FRMPD4: variants seen among roughly 807,000 people sequenced by gnomAD.
FRMPD4 encodes FERM and PDZ domain-containing protein 4.
FRMPD4 carries 22 observed loss-of-function variants against 94.1 expected under a neutral mutation model. The ratio of observed to expected loss-of-function variants is 0.23; its 90% CI spans 0.17 to 0.33. The LOEUF (loss-of-function observed/expected upper bound fraction) is 0.33. Among genes scored for constraint, FRMPD4 ranks in the 10% least tolerant of loss-of-function variants. The pLI is 1.00. For synonymous variants in FRMPD4, 631 were observed against 548.6 expected (o/e 1.15, Z -2.10); for missense variants, 1,111 against 1,339.9 (o/e 0.83, Z 2.67).
rs756575724 is a variant in FRMPD4, at chrX:12,498,693, T to C, written c.55T>C (p.Ser19Pro). 4.2e-6 allele frequency: 5 copies of C among 1,177,520 alleles called. No homozygotes were observed. The Admixed American group carries it at 6.6e-5, about 16-fold the overall frequency. ...IAKLSSHRTK[S>P]SGWPPPSGTW... ...TTTCTTTTCCAGCCACAGGACGAAG[T>C]CTTCAGGCTGGCCGCCTCCCTCGGG... The change falls in exon 2 of 17, where the codon TCT becomes CCT. Residue 19 changes from serine to proline, a missense_variant. Ser to Pro is a moderately conservative substitution (Grantham distance 74). This residue lies in a region of FRMPD4 where 140 missense variants were observed against 165.9 expected (regional missense o/e 0.84). Transcript: ENST00000675598.
intron 2 of FRMPD4, among the ~76,000 whole-genome samples, chrX:12,590,609 GC>G (rs1428881232): frequency 8.9e-6 from 1 of 112,158 alleles, no homozygotes; most frequent in Non-Finnish European, 1.9e-5. Context: ...AAATAAGTAA[GC>G]TTGTCTAAAT....
Position 11,932,141 on chromosome X carries a change from C to T in FRMPD4, c.95+54123C>T, listed in dbSNP as rs1453762853. Reference sequence around the variant, plus strand: ...ACTCATTGTTTGTCCACTCCCTTGCCGTTTAGGTGGGATACTTATTACAAA... The same window carrying T: ...ACTCATTGTTTGTCCACTCCCTTGCTGTTTAGGTGGGATACTTATTACAAA... On this transcript the variant is annotated intron_variant, in intron 3 of 18. Transcript: ENST00000640291. Among the ~76,000 whole-genome samples the T allele has an allele frequency of 2.7e-5, 3 of 111,684 alleles. No individual in the cohort carries two copies. The East Asian group carries it at 8.3e-4, about 31-fold the overall frequency.
At chrX:12,402,644 T>G (rs2056622354) in intron 1 of FRMPD4, among the ~76,000 whole-genome samples, 1 of 112,732 alleles carries the variant, frequency 8.9e-6, no homozygotes, top group Admixed American at 9.3e-5. Flanking sequence ...ATGTTGAAAC[T>G]TAATCCCCAT....
At chrX:12,240,185 G>GT (rs2057113675) in intron 1 of FRMPD4, among the ~76,000 whole-genome samples, 1 of 112,527 alleles carries the variant, frequency 8.9e-6, no homozygotes, top group Admixed American at 9.4e-5. Flanking sequence ...GTAGAGTTGA[G>GT]TGGTTGTGAC....
At chrX:12,329,963 T>A (rs1331460396) in intron 1 of FRMPD4, among the ~76,000 whole-genome samples, 1 of 110,808 alleles carries the variant, frequency 9.0e-6, no homozygotes, top group African/African-American at 3.3e-5. Context: ...AAGAAAGCTT[T>A]TTCCACCCCA....
intron 1 of FRMPD4, among the ~76,000 whole-genome samples, chrX:12,170,418 C>G (rs1244454582): frequency 9.0e-6 from 1 of 110,985 alleles, no homozygotes; most frequent in South Asian, 3.9e-4. Flanking sequence ...CCGTGAAATA[C>G]TGTAGCTTGT....
chrX:12,170,370 G>T (rs2056200394), intron 1 of FRMPD4, among the ~76,000 whole-genome samples: 1 of 110,297 alleles, frequency 9.1e-6, no homozygotes, highest in Admixed American at 9.8e-5. Flanking sequence ...GATGAACCTG[G>T]AATCTTTAAA....
At chrX:11,954,397 A>T (rs986965075) in intron 3 of FRMPD4, among the ~76,000 whole-genome samples, 16 of 112,369 alleles carry the variant, frequency 1.4e-4, no homozygotes, top group Non-Finnish European at 2.6e-4. Flanking sequence ...CATGCTGGTG[A>T]ACAAAGAAGT....
Position 12,421,618 on chromosome X carries a change from G to T in FRMPD4, c.42-77062G>T, listed in dbSNP as rs767815489. Among the ~76,000 whole-genome samples the T allele has an allele frequency of 3.6e-5, 4 of 109,879 alleles. No homozygotes were observed. In the South Asian group the frequency reaches 1.6e-3, roughly 44 times the overall value. ...ACACAAAGTATAAAAAATTAGCTGA[G>T]CATGGTGGTGTGTGCCTGTGGTCCC... On this transcript the variant is annotated intron_variant, in intron 1 of 16. Coordinates refer to ENST00000675598, the MANE Select transcript of FRMPD4 (RefSeq NM_001368397.1).
intron 1 of FRMPD4, among the ~76,000 whole-genome samples, chrX:12,479,923 A>G (rs2057661431): frequency 1.8e-5 from 2 of 110,361 alleles, no homozygotes; most frequent in Non-Finnish European, 3.8e-5. Flanking sequence ...ATGTCTGCAG[A>G]GTAGCCTAAT....
intron 1 of FRMPD4, among the ~76,000 whole-genome samples, chrX:12,292,985 A>C (rs1304055933): frequency 9.2e-6 from 1 of 108,348 alleles, no homozygotes; most frequent in Non-Finnish European, 1.9e-5. Context: ...TTTTTTTTTA[A>C]TGAGAGCTGG....
At chrX:11,853,025 G>A (rs2053633966) in intron 1 of FRMPD4, among the ~76,000 whole-genome samples, 1 of 111,983 alleles carries the variant, frequency 8.9e-6, no homozygotes, top group African/African-American at 3.2e-5. Context: ...CTTAGCAAAT[G>A]CAAAAGTACT....
intron 2 of FRMPD4, among the ~76,000 whole-genome samples, chrX:12,551,724 T>A (rs1322656382): frequency 9.0e-6 from 1 of 111,050 alleles, no homozygotes; most frequent in Non-Finnish European, 1.9e-5. Context: ...ATTTAATTAG[T>A]CTTCTGTTAA....
intron 4 of FRMPD4, among the ~76,000 whole-genome samples, chrX:12,649,343 G>T (rs2059576480): frequency 8.9e-6 from 1 of 111,938 alleles, no homozygotes; most frequent in African/African-American, 3.3e-5. Flanking sequence ...CTAGGGACAA[G>T]AATTAGTAAT....
At chrX:12,500,460 G>A (rs1457024652) in intron 2 of FRMPD4, among the ~76,000 whole-genome samples, 1 of 111,296 alleles carries the variant, frequency 9.0e-6, no homozygotes, top group Non-Finnish European at 1.9e-5. Flanking sequence ...AGTCTCTGAA[G>A]CCCAAATCTC....
chrX:11,986,804 G>A (rs2147392980), intron 3 of FRMPD4, among the ~76,000 whole-genome samples: 1 of 110,008 alleles, frequency 9.1e-6, no homozygotes, highest in East Asian at 2.9e-4. Flanking sequence ...GCCAAATCTA[G>A]AGGAAACGGA....
intron 3 of FRMPD4, among the ~76,000 whole-genome samples, chrX:12,063,497 CT>C (rs371895369): frequency 8.8e-6 from 1 of 113,029 alleles, no homozygotes; most frequent in African/African-American, 3.2e-5. Context: ...ATAAGCTTTT[CT>C]GCTTTAACAG....
intron 1 of FRMPD4, among the ~76,000 whole-genome samples, chrX:12,414,546 G>A (rs1175972703): frequency 6.3e-5 from 7 of 111,941 alleles, no homozygotes; most frequent in South Asian, 3.7e-4. Context: ...TGCTTGAGAC[G>A]TATTTTTATA....
chrX:12,696,237 C>T (rs1375698096), intron 9 of FRMPD4, among the ~76,000 whole-genome samples: 1 of 111,595 alleles, frequency 9.0e-6, no homozygotes, highest in Non-Finnish European at 1.9e-5. Context: ...TTGTTAATTT[C>T]AACGTGGTAA....
Sources: allele counts gnomAD v4.1 joint callset (sites outside exome capture counted in the v4.1 genomes callset), GRCh38; gene constraint gnomAD v4.1.1; regional missense constraint gnomAD v4.1.1; transcripts MANE v1.5; gene names NCBI Gene and HGNC (gene_info 2026-07-23, HGNC 2026-07-21).